SDK1: variants seen among roughly 807,000 people sequenced by gnomAD.
SDK1 encodes the protein sidekick cell adhesion molecule 1.
Under a neutral mutation model 245.5 loss-of-function variants are expected in SDK1, and 157 were observed. That is an observed-to-expected ratio of 0.64 (90% CI 0.56 to 0.73). The LOEUF is 0.73. SDK1 is among the 30% of genes least tolerant of loss of function. The pLI, the probability that SDK1 is intolerant of heterozygous loss-of-function variation, is 0.00. For synonymous variants in SDK1, 1,647 were observed against 1,278.5 expected, an observed-to-expected ratio of 1.29 and a Z score of -6.15; for missense variants, 3,583 against 3,002.3, an observed-to-expected ratio of 1.19 and a Z score of -4.52.
At chr7:3,754,487 T>C (rs145004757) in intron 4 of SDK1, among the ~76,000 whole-genome samples, 71 of 152,202 alleles carry the variant, frequency 4.7e-4, no homozygotes, top group East Asian at 9.6e-4. Context: ...TTTGGAGATA[T>C]TCTATCAAGG....
chr7:4,208,318 C>T (rs756123470), intron 37 of SDK1, 33 bp downstream of exon 37: 1 of 1,593,294 alleles, frequency 6.3e-7, no homozygotes, highest in Non-Finnish European at 8.6e-7. Context: ...TTGGGCAGGC[C>T]TCCTTGGACA....
At chr7:3,679,339 G>T (rs1784023994) in intron 4 of SDK1, among the ~76,000 whole-genome samples, 1 of 152,042 alleles carries the variant, frequency 6.6e-6, no homozygotes, top group Non-Finnish European at 1.5e-5. Context: ...GGCCGAGGCG[G>T]GTGGATCACG....
At chr7:4,196,269 C>T (rs772350749) in intron 35 of SDK1, among the ~76,000 whole-genome samples, 6 of 152,206 alleles carry the variant, frequency 3.9e-5, no homozygotes, top group Admixed American at 6.5e-5. Flanking sequence ...GTTGCAGCCC[C>T]GCCCTCGCTC....
chr7:3,452,448 A>G (rs1161170270), intron 1 of SDK1, among the ~76,000 whole-genome samples: 2 of 152,218 alleles, frequency 1.3e-5, no homozygotes, highest in Non-Finnish European at 2.9e-5. Context: ...TACTATAAAC[A>G]TCCCTGTAAT....
At chr7:3,651,811 C>T (rs867666364) in intron 4 of SDK1, among the ~76,000 whole-genome samples, 3 of 152,126 alleles carry the variant, frequency 2.0e-5, no homozygotes, top group Non-Finnish European at 4.4e-5. Context: ...GAACGGCAAT[C>T]AGAAGATAGC....
chr7:4,048,409 C>T (rs1789176668), intron 17 of SDK1, among the ~76,000 whole-genome samples: 2 of 152,134 alleles, frequency 1.3e-5, no homozygotes, highest in Admixed American at 6.5e-5. Context: ...CTTATGTATG[C>T]GTCATCAGCC....
intron 1 of SDK1, among the ~76,000 whole-genome samples, chr7:3,375,117 C>T (rs1354210523): frequency 5.9e-5 from 9 of 151,820 alleles, no homozygotes; most frequent in African/African-American, 9.7e-5. Flanking sequence ...GTGTCTACCA[C>T]GGTTTATCAC....
intron 40 of SDK1, among the ~76,000 whole-genome samples, chr7:4,223,206 G>A (rs543873208): frequency 3.9e-5 from 6 of 152,260 alleles, no homozygotes; most frequent in South Asian, 4.2e-4. Flanking sequence ...GGATCCAGGC[G>A]TTCACAAATA....
chr7:3,710,279 C>G (rs1228793259), intron 4 of SDK1, among the ~76,000 whole-genome samples: 1 of 152,196 alleles, frequency 6.6e-6, no homozygotes, highest in African/African-American at 2.4e-5. Context: ...ATGTTACATT[C>G]CTCTGCACCC....
chr7:3,808,387 C>G lies in SDK1; in HGVS notation c.714-13063C>G, dbSNP rs573790535. On this transcript the variant is annotated intron_variant, in intron 4 of 44. Coordinates refer to ENST00000404826, the MANE Select transcript of SDK1 (RefSeq NM_152744.4). ...CAGCAGGTTCACTCCCTCTGAAATC[C>G]TACACAGAAAAATCTCAGAATGCTG... 3.3e-5 allele frequency among the ~76,000 whole-genome samples: 5 copies of G among 152,282 alleles called. No homozygotes were observed. The East Asian group carries it at 9.6e-4, about 29-fold the overall frequency.
chr7:3,758,191 C>G (rs374253629), intron 4 of SDK1, among the ~76,000 whole-genome samples: 1 of 152,204 alleles, frequency 6.6e-6, no homozygotes, highest in East Asian at 1.9e-4. Flanking sequence ...GAGGGATATA[C>G]TTTGAGGCAA....
At chr7:3,794,951 C>T (rs1264065078) in intron 4 of SDK1, among the ~76,000 whole-genome samples, 1 of 151,852 alleles carries the variant, frequency 6.6e-6, no homozygotes, top group Non-Finnish European at 1.5e-5. Context: ...AAAAAGATCA[C>T]TATTCATGTT....
chr7:4,253,693 T>C (rs78360397), intron 44 of SDK1, among the ~76,000 whole-genome samples: 3,172 of 152,298 alleles, frequency 0.021, 84 homozygotes, highest in African/African-American at 0.066. Flanking sequence ...TATGATCTTC[T>C]TCCCAGTTCT....
At chr7:3,678,632 G>C (rs571642168) in intron 4 of SDK1, among the ~76,000 whole-genome samples, 1 of 152,306 alleles carries the variant, frequency 6.6e-6, no homozygotes, top group Admixed American at 6.5e-5. Context: ...TGGGGGGAGG[G>C]AGAGATGGGA....
At chr7:3,420,690 ATTC>A (rs1779511197) in intron 1 of SDK1, among the ~76,000 whole-genome samples, 1 of 152,224 alleles carries the variant, frequency 6.6e-6, no homozygotes, top group African/African-American at 2.4e-5. Context: ...ATCTCATTAT[ATTC>A]TTTTTTAACA....
chr7:3,477,189 C>CTTTTTTTTTT (rs35328849), intron 1 of SDK1, among the ~76,000 whole-genome samples: 14 of 78,644 alleles, frequency 1.8e-4, no homozygotes, highest in East Asian at 4.1e-4. Flanking sequence ...TGGTTTTCTC[C>CTTTTTTTTTT]TTTTTTTTTT....
intron 1 of SDK1, among the ~76,000 whole-genome samples, chr7:3,407,216 A>G (rs898544417): frequency 6.6e-6 from 1 of 152,238 alleles, no homozygotes; most frequent in Non-Finnish European, 1.5e-5. Context: ...ACTTTCTGGA[A>G]CTTTGCGTGA....
intron 5 of SDK1, among the ~76,000 whole-genome samples, chr7:3,872,714 A>G (rs1326882951): frequency 2.0e-5 from 3 of 151,878 alleles, no homozygotes; most frequent in East Asian, 1.9e-4. Context: ...TTCAAAGAGT[A>G]GCTTTTGGTT....
At chr7:3,729,303 A>T (rs1779106413) in intron 4 of SDK1, among the ~76,000 whole-genome samples, 1 of 152,212 alleles carries the variant, frequency 6.6e-6, no homozygotes, top group Admixed American at 6.5e-5. Context: ...GCTAATATAT[A>T]ATTCCTTAAC....
Sources: gnomAD v4.1 joint callset for allele counts (sites outside exome capture counted in the v4.1 genomes callset) on GRCh38, gnomAD v4.1.1 for gene constraint, MANE v1.5 for transcripts, NCBI Gene and HGNC (gene_info 2026-07-23, HGNC 2026-07-21) for gene names.